Variants in EHMT1 observed in about 807,000 individuals in gnomAD.
EHMT1 encodes histone-lysine N-methyltransferase EHMT1.
In EHMT1, 15 loss-of-function variants were observed where a neutral mutation model predicts 147.2. The observed-to-expected ratio is 0.10, with a 90% CI of 0.07 to 0.16. The LOEUF is 0.16. Ranked by LOEUF, EHMT1 falls within the 10% of genes least tolerant of loss-of-function variation. The probability of loss-of-function intolerance (pLI) is 1.00; values close to 1 mark genes in which losing one functional copy is unlikely to be tolerated. For synonymous variants in EHMT1, 795 were observed against 709.6 expected (o/e 1.12, Z -1.91); for missense variants, 1,587 against 1,772.4 (o/e 0.90, Z 1.88).
Position 137,619,023 on chromosome 9 carries a change from C to A in EHMT1, c.-6C>A. ...GAGGGGCGGGGCCACGCTGCGGGCC[C>A]GGGCCATGGCCGCCGCCGATGCCGA... On this transcript the variant is annotated 5_prime_UTR_variant, in exon 1 of 27. Transcript: ENST00000460843. 1.0e-6 allele frequency: 1 copy of A among 971,770 alleles called. No individual in the cohort carries two copies. Among genetic ancestry groups the A allele is most frequent in the Non-Finnish European group, 1.2e-6 (1 of 819,296 alleles). 60.2% of individuals were successfully genotyped at this position (971,770 alleles called of 1,614,324 possible). A position where few individuals can be genotyped will look rare whatever the true frequency, so the allele number is the denominator to read the frequency against.
intron 1 of EHMT1, among the ~76,000 whole-genome samples, chr9:137,663,299 G>A (rs1210474271): frequency 6.6e-6 from 1 of 152,144 alleles, no homozygotes; most frequent in African/African-American, 2.4e-5. Flanking sequence ...GGAAGAGGCA[G>A]TAATGATGGG....
rs371572212 is a variant in EHMT1, at chr9:137,784,178, C to T, written c.2382+1781C>T. The stretch of plus-strand genomic sequence containing the variant: ...TATGGTGAGGACCTCGTGCTGTTCC[C>T]GAACACAGCCAGGAACCACGCCAAG... On this transcript the variant is annotated intron_variant, in intron 15 of 26. Transcript: ENST00000460843. 4.8e-4 allele frequency: 737 copies of T among 1,551,154 alleles called. 1 individual carries two copies. The African/African-American group carries it at 5.8e-3, about 12-fold the overall frequency.
intron 1 of EHMT1, among the ~76,000 whole-genome samples, chr9:137,657,217 G>T (rs1387723549): frequency 1.3e-5 from 2 of 152,192 alleles, no homozygotes; most frequent in Non-Finnish European, 2.9e-5. Flanking sequence ...TGAGGAAGCA[G>T]CAGGAGCAAG....
intron 3 of EHMT1, among the ~76,000 whole-genome samples, chr9:137,719,232 C>G (rs1321364360): frequency 6.6e-6 from 1 of 152,118 alleles, no homozygotes; most frequent in Non-Finnish European, 1.5e-5. Context: ...GCTTTTTCCC[C>G]CACCAGGGTG....
chr9:137,780,703 C>T (rs1452819124), intron 14 of EHMT1, among the ~76,000 whole-genome samples: 4 of 63,628 alleles, frequency 6.3e-5, no homozygotes, highest in Admixed American at 2.0e-4. Context: ...GACGCCGAGA[C>T]GTGTGGTGAT....
At chr9:137,778,182 C>A (rs1321038507) in intron 13 of EHMT1, 127 bp downstream of exon 13, 14 of 1,255,378 alleles carry the variant, frequency 1.1e-5, no homozygotes, top group Non-Finnish European at 1.4e-5. Flanking sequence ...TAGAATAATT[C>A]GTATATTTTC....
intron 1 of EHMT1, among the ~76,000 whole-genome samples, chr9:137,625,842 T>A (rs1843218062): frequency 1.3e-5 from 2 of 151,600 alleles, no homozygotes; most frequent in African/African-American, 4.8e-5. Flanking sequence ...ATATATATAT[T>A]TTTTGTTTTG....
chr9:137,666,291 T>C (rs979522356), intron 1 of EHMT1, among the ~76,000 whole-genome samples: 1 of 152,262 alleles, frequency 6.6e-6, no homozygotes, highest in African/African-American at 2.4e-5. Context: ...TCAGGCCCGT[T>C]CCACATTTGC....
At chr9:137,631,728 A>G (rs980693960) in intron 1 of EHMT1, among the ~76,000 whole-genome samples, 3 of 151,994 alleles carry the variant, frequency 2.0e-5, no homozygotes, top group Non-Finnish European at 2.9e-5. Context: ...ATAATGAAAA[A>G]TTAGTTGGGC....
intron 6 of EHMT1, chr9:137,746,784 G>A (rs934176930): frequency 2.0e-5 from 3 of 152,236 alleles, no homozygotes; most frequent in African/African-American, 4.8e-5. Flanking sequence ...ACAACACCAC[G>A]TTTATCATGT....
intron 16 of EHMT1, among the ~76,000 whole-genome samples, chr9:137,798,604 G>C (rs1027005390): frequency 5.3e-5 from 8 of 152,154 alleles, no homozygotes; most frequent in Non-Finnish European, 1.0e-4. Flanking sequence ...TGTGCCAGGC[G>C]ACTGACCACT....
At chr9:137,653,447 C>T (rs1313887691) in intron 1 of EHMT1, among the ~76,000 whole-genome samples, 3 of 152,078 alleles carry the variant, frequency 2.0e-5, no homozygotes, top group Non-Finnish European at 4.4e-5. Context: ...AAGGTATCCT[C>T]GTAGTTAAGT....
intron 1 of EHMT1, among the ~76,000 whole-genome samples, chr9:137,692,270 T>TC (rs1437364774): frequency 4.3e-4 from 64 of 148,804 alleles, no homozygotes; most frequent in Admixed American, 3.8e-3. Flanking sequence ...TTTCTTTCTT[T>TC]TTTTTTTTTT....
intron 1 of EHMT1, among the ~76,000 whole-genome samples, chr9:137,691,636 G>C (rs935465724): frequency 3.3e-5 from 5 of 152,112 alleles, no homozygotes; most frequent in Non-Finnish European, 7.3e-5. Flanking sequence ...TCAATTGCTA[G>C]GTCATATGGT....
rs990569265 is a variant in EHMT1 at position 137,752,527 on chromosome 9, G to A, written c.1248+119G>A. 7.2e-5 allele frequency: 88 copies of A among 1,219,238 alleles called. No individual in the cohort carries two copies. In the East Asian group the frequency reaches 2.2e-3, roughly 31 times the overall value. The allele number at this position is 1,219,238 out of a possible 1,614,324, so 75.5% of individuals were successfully genotyped here. ...GCCTGAGCGCTCACCCATGTGCTTG[G>A]AGCTGGTCATGGTGATGGCCACAGA... On this transcript the variant is annotated intron_variant, in intron 7 of 26. Transcript: ENST00000460843.
chr9:137,753,103 C>T (rs1286716395), intron 7 of EHMT1, among the ~76,000 whole-genome samples: 12 of 152,092 alleles, frequency 7.9e-5, no homozygotes, highest in Non-Finnish European at 1.5e-4. Context: ...GTGAGGGTTC[C>T]ACAGGGGAGG....
chr9:137,750,770 C>T (rs1231090922), intron 6 of EHMT1, among the ~76,000 whole-genome samples: 5 of 152,124 alleles, frequency 3.3e-5, no homozygotes, highest in East Asian at 1.9e-4. Context: ...GGAGGGGGCG[C>T]GGCTGCCGGA....
intron 18 of EHMT1, chr9:137,802,722 C>T: frequency 1.0e-6 from 1 of 976,380 alleles, no homozygotes; most frequent in Non-Finnish European, 1.3e-6. Context: ...CGCTGCCTCC[C>T]TGCAGGCACG....
chr9:137,745,427 TTTTTA>T, intron 6 of EHMT1: 1 of 398,296 alleles, frequency 2.5e-6, no homozygotes, highest in African/African-American at 2.1e-5. Flanking sequence ...ATTTAAAAAT[TTTTTA>T]TTTTAAGATA....
Sources: gnomAD v4.1 joint callset for allele counts (sites outside exome capture counted in the v4.1 genomes callset) on GRCh38, gnomAD v4.1.1 for gene constraint, MANE v1.5 for transcripts, NCBI Gene and HGNC (gene_info 2026-07-23, HGNC 2026-07-21) for gene names.